Variants in CREB5 observed in about 807,000 individuals in gnomAD.
The protein encoded by CREB5 is cyclic AMP-responsive element-binding protein 5.
In CREB5, 19 loss-of-function variants were observed where a neutral mutation model predicts 57.1. The observed-to-expected ratio is 0.33, with a 90% CI of 0.23 to 0.49. CREB5 has a LOEUF of 0.49. Among genes scored for constraint, CREB5 ranks in the 20% least tolerant of loss-of-function variants. The pLI is 0.99. For missense variants in CREB5, 579 were observed against 671.6 expected (o/e 0.86, Z 1.52); for synonymous variants, 238 against 238.3 (o/e 1.00, Z 0.01).
intron 4 of CREB5, among the ~76,000 whole-genome samples, chr7:28,550,447 A>T (rs1463980704): frequency 1.3e-5 from 2 of 152,218 alleles, no homozygotes; most frequent in African/African-American, 4.8e-5. Context: ...GGGCTGAAAG[A>T]GAAGTTGGAC....
intron 1 of CREB5, among the ~76,000 whole-genome samples, chr7:28,397,358 T>A (rs1443208223): frequency 1.3e-5 from 2 of 152,238 alleles, no homozygotes; most frequent in Non-Finnish European, 2.9e-5. Context: ...GAAACAAAAC[T>A]TGGGATAGGG....
At chr7:28,311,275 A>G (rs1196398576) in intron 1 of CREB5, among the ~76,000 whole-genome samples, 1 of 152,130 alleles carries the variant, frequency 6.6e-6, no homozygotes, top group African/African-American at 2.4e-5. Context: ...CTTCCCATCT[A>G]AGGGAGGCAG....
chr7:28,637,799 A>G (rs1342311327), intron 5 of CREB5, among the ~76,000 whole-genome samples: 1 of 152,238 alleles, frequency 6.6e-6, no homozygotes, highest in East Asian at 1.9e-4. Context: ...TTTAAACATA[A>G]AATATTGGTT....
At chr7:28,339,094 A>G (rs960585398) in intron 1 of CREB5, among the ~76,000 whole-genome samples, 6 of 152,066 alleles carry the variant, frequency 3.9e-5, no homozygotes, top group Non-Finnish European at 7.4e-5. Context: ...AAGGCCACAT[A>G]TCTTTGTCTC....
intron 7 of CREB5, among the ~76,000 whole-genome samples, chr7:28,730,918 C>T (rs1021272134): frequency 2.0e-5 from 3 of 152,156 alleles, no homozygotes; most frequent in African/African-American, 7.2e-5. Flanking sequence ...TAAAAGCATG[C>T]CTTTATAAAA....
intron 7 of CREB5, among the ~76,000 whole-genome samples, chr7:28,766,598 G>C (rs1449907856): frequency 6.6e-6 from 1 of 152,216 alleles, no homozygotes; most frequent in Non-Finnish European, 1.5e-5. Context: ...AGGAAAAGTT[G>C]AATGTGTCAG....
intron 7 of CREB5, among the ~76,000 whole-genome samples, chr7:28,729,543 A>G (rs1583627005): frequency 6.6e-6 from 1 of 152,168 alleles, no homozygotes; most frequent in Non-Finnish European, 1.5e-5. Context: ...TTGGCCACCC[A>G]CTGTCCAACA....
At chr7:28,431,692 T>A (rs1788719060) in intron 1 of CREB5, among the ~76,000 whole-genome samples, 1 of 152,216 alleles carries the variant, frequency 6.6e-6, no homozygotes, top group Non-Finnish European at 1.5e-5. Context: ...TTACTTTTTT[T>A]GACCCACACC....
intron 5 of CREB5, among the ~76,000 whole-genome samples, chr7:28,712,181 A>G (rs548644249): frequency 7.2e-5 from 11 of 152,210 alleles, no homozygotes; most frequent in African/African-American, 1.4e-4. Flanking sequence ...GAAGCTAAGT[A>G]TATTGTCTTT....
chr7:28,433,852 T>G (rs753907193), intron 1 of CREB5, among the ~76,000 whole-genome samples: 5 of 151,756 alleles, frequency 3.3e-5, no homozygotes, highest in Non-Finnish European at 7.4e-5. Context: ...AGTTATAATC[T>G]TCCTCATATT....
At chr7:28,818,725 G>A (rs1479476511) in intron 10 of CREB5, 2 of 460,676 alleles carry the variant, frequency 4.3e-6, no homozygotes, top group South Asian at 1.5e-5. Flanking sequence ...AGGGATTCAT[G>A]GCTGAAGGTC....
At chr7:28,405,036 T>A (rs1787547640) in intron 1 of CREB5, among the ~76,000 whole-genome samples, 1 of 152,226 alleles carries the variant, frequency 6.6e-6, no homozygotes, top group South Asian at 2.1e-4. Context: ...ATAAATCCCT[T>A]AGCTCAAGGG....
chr7:28,755,064 G>T (rs567064560), intron 7 of CREB5, among the ~76,000 whole-genome samples: 1 of 152,110 alleles, frequency 6.6e-6, no homozygotes, highest in East Asian at 1.9e-4. Context: ...GTTCATCTTG[G>T]GTATCAGTAC....
chr7:28,804,168 G>A, intron 7 of CREB5, 31 bp from the exon 8 acceptor site: 8 of 1,596,460 alleles, frequency 5.0e-6, no homozygotes, highest in Non-Finnish European at 6.9e-6. Context: ...GACTTCAGTT[G>A]TTCTCTCTCC....
chr7:28,444,672 G>A (rs1022232035), intron 1 of CREB5, among the ~76,000 whole-genome samples: 6 of 152,170 alleles, frequency 3.9e-5, no homozygotes, highest in Admixed American at 3.9e-4. Flanking sequence ...GATTAGTATA[G>A]CACAGTGAGA....
intron 1 of CREB5, among the ~76,000 whole-genome samples, chr7:28,352,505 G>T (rs1024967835): frequency 1.3e-5 from 2 of 152,172 alleles, no homozygotes; most frequent in African/African-American, 4.8e-5. Flanking sequence ...GCAGCTCCAG[G>T]ATTGGTAAAT....
chr7:28,424,805 G>T (rs1299983050), intron 1 of CREB5, among the ~76,000 whole-genome samples: 1 of 152,150 alleles, frequency 6.6e-6, no homozygotes, highest in Admixed American at 6.5e-5. Flanking sequence ...ACTAAGCTAA[G>T]TATAAATGTT....
At chr7:28,589,089 A>G (rs1248105914) in intron 5 of CREB5, among the ~76,000 whole-genome samples, 1 of 152,228 alleles carries the variant, frequency 6.6e-6, no homozygotes, top group Non-Finnish European at 1.5e-5. Context: ...AAAAGCATGA[A>G]GAATTGTATA....
chr7:28,642,781 C>G (rs370101690), intron 5 of CREB5, among the ~76,000 whole-genome samples: 4 of 152,010 alleles, frequency 2.6e-5, no homozygotes, highest in Admixed American at 2.6e-4. Flanking sequence ...AACTGTCCAT[C>G]GTGAATTTTT....
Sources: gnomAD v4.1 joint callset for allele counts (sites outside exome capture counted in the v4.1 genomes callset) on GRCh38, gnomAD v4.1.1 for gene constraint, MANE v1.5 for transcripts, NCBI Gene and HGNC (gene_info 2026-07-23, HGNC 2026-07-21) for gene names.